The following SLC2A5 variants were observed in gnomAD, a reference collection of about 807,000 sequenced individuals.
The protein encoded by SLC2A5 is solute carrier family 2 member 5, also known as solute carrier family 2, facilitated glucose transporter member 5.
SLC2A5 carries 56 observed loss-of-function variants against 50.3 expected under a neutral mutation model. The ratio of observed to expected loss-of-function variants is 1.11; its 90% CI spans 0.90 to 1.39. The LOEUF (loss-of-function observed/expected upper bound fraction) is 1.39, where lower values mean the gene tolerates loss of function less well. Ranked by LOEUF, SLC2A5 falls within the 40% of genes most tolerant of loss-of-function variation. The pLI is 0.00. For missense variants in SLC2A5, 566 were observed against 650.1 expected (o/e 0.87, Z 1.41); for synonymous variants, 269 against 281.9 (o/e 0.95, Z 0.46).
intron 1 of SLC2A5, among the ~76,000 whole-genome samples, chr1:9,086,627 G>C (rs1642404490): frequency 6.6e-6 from 1 of 152,128 alleles, no homozygotes; most frequent in Admixed American, 6.5e-5. Context: ...CTGATCTCAA[G>C]CAAGCCACCC....
chr1:9,084,519 G>A, intron 2 of SLC2A5, among the ~76,000 whole-genome samples: 1 of 152,216 alleles, frequency 6.6e-6, no homozygotes, highest in East Asian at 1.9e-4. Context: ...ACCTCCTCTA[G>A]CCCACTGGCA....
At chr1:9,041,733 C>T (rs749309061) in intron 5 of SLC2A5, 52 bp downstream of exon 5, 26 of 1,613,508 alleles carry the variant, frequency 1.6e-5, no homozygotes, top group Non-Finnish European at 2.2e-5. Context: ...AAGGAGGGGG[C>T]CAAGGGTAGT....
chr1:9,084,995 C>G (rs1642388941), intron 2 of SLC2A5: 1 of 152,436 alleles, frequency 6.6e-6, no homozygotes, highest in South Asian at 2.1e-4. Flanking sequence ...GCCTCTGTGC[C>G]CAACCAGGAC....
chr1:9,081,532 A>G (rs1569924148), intron 2 of SLC2A5, among the ~76,000 whole-genome samples: 1 of 151,552 alleles, frequency 6.6e-6, no homozygotes, highest in South Asian at 2.1e-4. Flanking sequence ...TGCAAATCGT[A>G]TATCTTATAA....
chr1:9,057,281 A>G (rs376017087), intron 3 of SLC2A5, among the ~76,000 whole-genome samples, 167 bp downstream of exon 3: 7 of 146,040 alleles, frequency 4.8e-5, no homozygotes, highest in African/African-American at 1.5e-4. Context: ...GCAAGACTCC[A>G]TCTCAAAAAT....
upstream of SLC2A5, among the ~76,000 whole-genome samples, chr1:9,071,486 C>T (rs971141698): frequency 2.6e-5 from 4 of 152,264 alleles, no homozygotes; most frequent in African/African-American, 9.6e-5. Context: ...ACACCTGCTT[C>T]TATCTAGGCC....
chr1:9,091,953 C>T (rs987762842), upstream of SLC2A5, among the ~76,000 whole-genome samples: 3 of 152,084 alleles, frequency 2.0e-5, no homozygotes, highest in African/African-American at 4.8e-5. Context: ...ATATATACAC[C>T]GATTCTAAAT....
intron 2 of SLC2A5, among the ~76,000 whole-genome samples, chr1:9,076,583 GT>G (rs1569919492): frequency 6.6e-6 from 1 of 152,228 alleles, no homozygotes; most frequent in African/African-American, 2.4e-5. Context: ...TATCAAGGTG[GT>G]GTCTATATTT....
Position 9,058,259 on chromosome 1 carries a change from A to G in SLC2A5, c.34-9T>C. 1.2e-6 allele frequency: 2 copies of G among 1,609,216 alleles called. No homozygotes were observed. Among genetic ancestry groups the G allele is most frequent in the Non-Finnish European group, 1.7e-6 (2 of 1,175,574 alleles). On this transcript the variant is annotated splice_polypyrimidine_tract_variant and intron_variant, in intron 1 of 11. Coordinates refer to ENST00000377424, the MANE Select transcript of SLC2A5 (RefSeq NM_003039.3). Reference sequence around the variant, plus strand: ...AGCACAAGCGTCAGCCTCTGCAGAGATCACAGCTTAGGTCAGGAAGCAGCC... The same window carrying G: ...AGCACAAGCGTCAGCCTCTGCAGAGGTCACAGCTTAGGTCAGGAAGCAGCC...
upstream of SLC2A5, chr1:9,071,931 G>A (rs116574697): frequency 6.8e-3 from 1,065 of 157,708 alleles, 14 homozygotes; most frequent in African/African-American, 0.025. Context: ...GGTCCCCCTC[G>A]GCCTCTGCCT....
At chr1:9,047,393 C>T (rs1434477731) in intron 4 of SLC2A5, among the ~76,000 whole-genome samples, 10 of 152,196 alleles carry the variant, frequency 6.6e-5, no homozygotes, top group African/African-American at 2.4e-4. Context: ...TAAGATTCTG[C>T]ATTTCAGTCT....
intron 1 of SLC2A5, among the ~76,000 whole-genome samples, chr1:9,086,602 G>T (rs531051966): frequency 9.9e-5 from 15 of 152,176 alleles, no homozygotes; most frequent in African/African-American, 3.6e-4. Flanking sequence ...AGTTGGTCAG[G>T]TTGGTCTTGA....
At chr1:9,045,870 CAA>C (rs59265235) in intron 4 of SLC2A5, among the ~76,000 whole-genome samples, 3,252 of 92,938 alleles carry the variant, frequency 0.035, 33 homozygotes, top group Non-Finnish European at 0.043. Context: ...AACTCCATCT[CAA>C]AAAAAAAAAA....
At chr1:9,059,975 A>G (rs1641868093) in intron 1 of SLC2A5, among the ~76,000 whole-genome samples, 1 of 142,368 alleles carries the variant, frequency 7.0e-6, no homozygotes, top group Admixed American at 7.5e-5. Flanking sequence ...GGTGAAGAGC[A>G]AAAACATACT....
At chr1:9,059,132 CTTTCT>C (rs1557674866) in intron 1 of SLC2A5, among the ~76,000 whole-genome samples, 4 of 80,362 alleles carry the variant, frequency 5.0e-5, no homozygotes, top group South Asian at 1.2e-3. Context: ...AGCCGCCTTT[CTTTCT>C]TTTTTTTTTT....
chr1:9,045,870 CAAA>C (rs59265235), intron 4 of SLC2A5, among the ~76,000 whole-genome samples: 11 of 92,986 alleles, frequency 1.2e-4, no homozygotes, highest in East Asian at 6.4e-4. Context: ...AACTCCATCT[CAAA>C]AAAAAAAAAA....
At chr1:9,093,249 C>A (rs907455238), upstream of SLC2A5, among the ~76,000 whole-genome samples, 2 of 152,130 alleles carry the variant, frequency 1.3e-5, no homozygotes, top group African/African-American at 4.8e-5. Context: ...ACCAGATCAT[C>A]GTTACTACAC....
intron 3 of SLC2A5, among the ~76,000 whole-genome samples, chr1:9,052,869 G>C (rs369336901): frequency 1.3e-5 from 2 of 151,130 alleles, no homozygotes; most frequent in South Asian, 2.1e-4. Flanking sequence ...TCAGCTACTA[G>C]AGAGGAGGAT....
At chr1:9,091,230 C>T (rs192327045), upstream of SLC2A5, among the ~76,000 whole-genome samples, 2 of 152,286 alleles carry the variant, frequency 1.3e-5, no homozygotes, top group East Asian at 1.9e-4. Flanking sequence ...CTTTCTTGCA[C>T]CTAAAACATG....
Sources: gnomAD v4.1 joint callset for allele counts (sites outside exome capture counted in the v4.1 genomes callset) on GRCh38, gnomAD v4.1.1 for gene constraint, MANE v1.5 for transcripts, NCBI Gene and HGNC (gene_info 2026-07-23, HGNC 2026-07-21) for gene names.